Variants in OR10A6 observed in about 807,000 individuals in gnomAD.
OR10A6 encodes the protein olfactory receptor family 10 subfamily A member 6 (gene/pseudogene).
OR10A6 carries 2 observed loss-of-function variants against 1.5 expected under a neutral mutation model. The ratio of observed to expected loss-of-function variants is 1.31; its 90% CI spans 0.54 to 4.13. OR10A6 has a LOEUF of 4.13. OR10A6 is among the 30% of genes most tolerant of loss of function. OR10A6 has a pLI of 0.07. For synonymous variants in OR10A6, 169 were observed against 137.3 expected (o/e 1.23, Z -1.61); for missense variants, 492 against 368.6 (o/e 1.33, Z -2.74).
In OR10A6 at chr11:7,928,411, G is replaced by C. The variant is rs780676408; in HGVS notation, c.252C>G (p.Val84=). ...AAATTGTAGTTTTTTCAGTAGAGAG[G>C]ACCACCAGCATTTCAGGCATAATAA... is the stretch of plus-strand genomic sequence containing the variant. ...SAVIMPEMLV[V]LSTEKTTISF... Residue 84 remains valine (V), a synonymous_variant, in exon 4 of 4, where the codon GTC becomes GTG. Coordinates refer to ENST00000641238, the MANE Select transcript of OR10A6 (RefSeq NM_001004461.2). 3.7e-6 allele frequency: 6 copies of C among 1,613,706 alleles called. No homozygotes were observed. The highest frequency in any genetic ancestry group is 1.3e-5 in the African/African-American group (1 of 74,888).
rs748176928 is a variant in OR10A6 at position 7,928,288 on chromosome 11, T to G, written c.375A>C (p.Ala125=). The G allele has an allele frequency of 6.2e-7, 1 of 1,613,842 alleles. No individual in the cohort carries two copies. The highest frequency in any genetic ancestry group is 8.5e-7 in the Non-Finnish European group (1 of 1,179,880). The change falls in exon 4 of 4, where the codon GCA becomes GCC. Residue 125 remains alanine, a synonymous_variant. Transcript: ENST00000641238. ...TTTGGTAGTTGAGAGGATGGCAAATTGCAGCAAATCGGTCATAAGCCATTG... is the reference window on the plus strand; with the variant it reads ...TTTGGTAGTTGAGAGGATGGCAAATGGCAGCAAATCGGTCATAAGCCATTG... ...LGAMAYDRFA[A]ICHPLNYQMI...
chr11:7,930,497 T>G lies in OR10A6; in HGVS notation c.-1835A>C, dbSNP rs949597254. On this transcript the variant is annotated 5_prime_UTR_variant, in exon 4 of 4. Coordinates refer to ENST00000641238, the MANE Select transcript of OR10A6 (RefSeq NM_001004461.2). ...GACACAGCAAGTTGAAGGCATACAG[T>G]GCTGTCTTGAGTGCAGACCTGTAGG... The G allele has an allele frequency of 6.6e-6, 1 of 152,100 alleles. No individual in the cohort carries two copies. Among genetic ancestry groups the G allele is most frequent in the African/African-American group, 2.4e-5 (1 of 41,432 alleles). The allele number at this position is 152,100 out of a possible 1,614,324, so 9.4% of individuals were successfully genotyped here. A position where few individuals can be genotyped will look rare whatever the true frequency, so the allele number is the denominator to read the frequency against.
At position 7,929,755 on chromosome 11, in the gene OR10A6, T is replaced by TATATATATGTATATATATACAC. The variant is rs55811645; in HGVS notation, c.-1094_-1093insGTGTATATATATACATATATAT. The TATATATATGTATATATATACAC allele has an allele frequency of 3.1e-5, 3 of 97,272 alleles. No homozygotes were observed. The highest frequency in any genetic ancestry group is 1.1e-4 in the African/African-American group (3 of 27,976). The allele number at this position is 97,272 out of a possible 1,614,324, so 6.0% of individuals were successfully genotyped here. On this transcript the variant is annotated 5_prime_UTR_variant, in exon 4 of 4. An upstream open reading frame in the 5' UTR loses its in-frame stop. Transcript: ENST00000641238. ...ATATATATATATATATATATATATA[T>TATATATATGTATATATATACAC]ACACACACATGCACACATATATATA...
At position 7,925,409 on chromosome 11, in the gene OR10A6, A is replaced by T. The variant is rs1859376946; in HGVS notation, c.*2309T>A. On this transcript the variant is annotated 3_prime_UTR_variant, in exon 4 of 4. Transcript: ENST00000641238. ...TGACCTAATTTCTTATTGTAATTTC[A>T]TGAACATCTTGCCAATCCAGGCTTT... 6.6e-6 allele frequency: 1 copy of T among 152,184 alleles called. No individual in the cohort carries two copies. The highest frequency in any genetic ancestry group is 2.4e-5 in the African/African-American group (1 of 41,440). 9.4% of individuals were successfully genotyped at this position (152,184 alleles called of 1,614,324 possible).
Position 7,928,554 on chromosome 11 carries a change from C to G in OR10A6, c.109G>C (p.Val37Leu), listed in dbSNP as rs367571136. The G allele has an allele frequency of 2.5e-5, 41 of 1,613,512 alleles. No individual in the cohort carries two copies. The highest frequency in any genetic ancestry group is 3.1e-5 in the Non-Finnish European group (36 of 1,179,708). The change falls in exon 4 of 4, where the codon GTG (valine) becomes CTG (leucine). Residue 37 changes from valine to leucine, a missense_variant. Physicochemically the swap from Val to Leu is conservative, Grantham distance 32. Transcript: ENST00000641238. ...ATAATGGCATTTCCTATCAGGGTCA[C>G]CAGATAAATAACCAGGAAAGCCACA... is the stretch of plus-strand genomic sequence containing the variant. ...LFVAFLVIYL[V>L]TLIGNAIIIV...
rs58402229 is a variant in OR10A6 at position 7,929,966 on chromosome 11, G to GTATATATATGTGTGTATATA, written c.-1305_-1304insTATATACACACATATATATA. 2 of 57,262 alleles carry GTATATATATGTGTGTATATA rather than the reference G, an allele frequency of 3.5e-5. No individual in the cohort carries two copies. Among genetic ancestry groups the GTATATATATGTGTGTATATA allele is most frequent in the African/African-American group, 7.0e-5 (1 of 14,226 alleles). 3.5% of individuals were successfully genotyped at this position (57,262 alleles called of 1,614,324 possible). A position where few individuals can be genotyped will look rare whatever the true frequency, so the allele number is the denominator to read the frequency against. On this transcript the variant is annotated 5_prime_UTR_variant, in exon 4 of 4. Transcript: ENST00000641238. ...TCTAGTAAGGTATGTGTATGTGTAT[G>GTATATATATGTGTGTATATA]TATATATATATATATATATATATAT...
Position 7,929,967 on chromosome 11 carries a change from T to TATATATATATATATAA in OR10A6, c.-1306_-1305insTTATATATATATATAT. 1 of 32,132 alleles carries TATATATATATATATAA rather than the reference T, an allele frequency of 3.1e-5. No homozygotes were observed. Among genetic ancestry groups the TATATATATATATATAA allele is most frequent in the Non-Finnish European group, 5.6e-5 (1 of 17,840 alleles). 2.0% of individuals were successfully genotyped at this position (32,132 alleles called of 1,614,324 possible). A position where few individuals can be genotyped will look rare whatever the true frequency, so the allele number is the denominator to read the frequency against. On this transcript the variant is annotated 5_prime_UTR_variant, in exon 4 of 4. Coordinates refer to ENST00000641238, the MANE Select transcript of OR10A6 (RefSeq NM_001004461.2). ...CTAGTAAGGTATGTGTATGTGTATG[T>TATATATATATATATAA]ATATATATATATATATATATATATA... is the stretch of plus-strand genomic sequence containing the variant.
rs1433020713 is a variant in OR10A6, at chr11:7,929,962, G to GTGTGTATATATA, written c.-1301_-1300insTATATATACACA. ...AAGCTCTAGTAAGGTATGTGTATGTGTATGTATATATATATATATATATAT... is the reference window on the plus strand; with the variant it reads ...AAGCTCTAGTAAGGTATGTGTATGTGTGTGTATATATATATGTATATATATATATATATATAT... On this transcript the variant is annotated 5_prime_UTR_variant, in exon 4 of 4. Coordinates refer to ENST00000641238, the MANE Select transcript of OR10A6 (RefSeq NM_001004461.2). 3 of 24,796 alleles carry GTGTGTATATATA rather than the reference G, an allele frequency of 1.2e-4. No homozygotes were observed. Among genetic ancestry groups the GTGTGTATATATA allele is most frequent in the Admixed American group, 7.2e-4 (1 of 1,388 alleles). The allele number at this position is 24,796 out of a possible 1,614,324, so 1.5% of individuals were successfully genotyped here.
rs375584474 is a variant in OR10A6, at chr11:7,928,377, C to A, written c.286G>T (p.Gly96Cys). 6 of 1,613,828 alleles carry A rather than the reference C, an allele frequency of 3.7e-6. No homozygotes were observed. In the African/African-American group the frequency reaches 8.0e-5, roughly 22 times the overall value. Residue 96 changes from glycine (G) to cysteine (C), a missense_variant, in exon 4 of 4, where the codon GGC (glycine) becomes TGC (cysteine). Coordinates refer to ENST00000641238, the MANE Select transcript of OR10A6 (RefSeq NM_001004461.2). ...STEKTTISFG[G>C]CFAQMYFILL... ...ATGAAATACATCTGTGCAAAACAGC[C>A]CCCAAAAGAAATTGTAGTTTTTTCA...
At chr11:7,930,759 A>T (rs1198415203) in intron 3 of OR10A6, 102 bp downstream of exon 3, 3 of 152,190 alleles carry the variant, frequency 2.0e-5, no homozygotes, top group African/African-American at 4.8e-5. Context: ...GATTGGTTTT[A>T]AAAATTAGAA....
rs1859367395 is a variant in OR10A6, at chr11:7,924,954, A to G, written c.*2764T>C. 6.6e-6 allele frequency: 1 copy of G among 152,182 alleles called. No homozygotes were observed. The highest frequency in any genetic ancestry group is 1.5e-5 in the Non-Finnish European group (1 of 68,038). 9.4% of individuals were successfully genotyped at this position (152,182 alleles called of 1,614,324 possible). Reference sequence around the variant, plus strand: ...CAAGGATGTCCACCTATATATCACTAGTCAGAACTGTGTCACAAACCACCC... The same window carrying G: ...CAAGGATGTCCACCTATATATCACTGGTCAGAACTGTGTCACAAACCACCC... On this transcript the variant is annotated 3_prime_UTR_variant, in exon 4 of 4. Coordinates refer to ENST00000641238, the MANE Select transcript of OR10A6 (RefSeq NM_001004461.2).
rs1859387548 is a variant in OR10A6 at position 7,925,872 on chromosome 11, A to G, written c.*1846T>C. ...AGGAGGCAGCCAAATGCCTAGGCAG[A>G]TGGGGTGGGTTCCTGGTGAAACCCC... On this transcript the variant is annotated 3_prime_UTR_variant, in exon 4 of 4. Coordinates refer to ENST00000641238, the MANE Select transcript of OR10A6 (RefSeq NM_001004461.2). 6.6e-6 allele frequency: 1 copy of G among 152,206 alleles called. No individual in the cohort carries two copies. The highest frequency in any genetic ancestry group is 6.5e-5 in the Admixed American group (1 of 15,268). 9.4% of individuals were successfully genotyped at this position (152,206 alleles called of 1,614,324 possible).
In OR10A6 at chr11:7,929,720, GTACATATATA is replaced by G. The variant is rs1859488729; in HGVS notation, c.-1068_-1059del. 1 of 91,436 alleles carries G rather than the reference GTACATATATA, an allele frequency of 1.1e-5. No individual in the cohort carries two copies. The highest frequency in any genetic ancestry group is 4.4e-5 in the African/African-American group (1 of 22,562). The allele number at this position is 91,436 out of a possible 1,614,324, so 5.7% of individuals were successfully genotyped here. A position where few individuals can be genotyped will look rare whatever the true frequency, so the allele number is the denominator to read the frequency against. On this transcript the variant is annotated 5_prime_UTR_variant, in exon 4 of 4. It removes an upstream start codon present in the reference 5' UTR. Coordinates refer to ENST00000641238, the MANE Select transcript of OR10A6 (RefSeq NM_001004461.2). ...TTTCTTTCTCTCTCTCTTTCTATGTGTACATATATATATATATATATATATATATATATAT... is the reference window on the plus strand; with the variant it reads ...TTTCTTTCTCTCTCTCTTTCTATGTGTATATATATATATATATATATATAT...
rs1475270762 is a variant in OR10A6 at position 7,928,684 on chromosome 11, T to C, written c.-22A>G. On this transcript the variant is annotated 5_prime_UTR_variant, in exon 4 of 4. The change abolishes an upstream ATG in the 5' untranslated region. Transcript: ENST00000641238. ...CCATTTTCAGTAATGAAGTCGTGCA[T>C]TGATTTTATGGACATAGTATATACA... 6.5e-7 allele frequency: 1 copy of C among 1,539,956 alleles called. No homozygotes were observed. Among genetic ancestry groups the C allele is most frequent in the Non-Finnish European group, 8.8e-7 (1 of 1,131,090 alleles).
At position 7,925,750 on chromosome 11, in the gene OR10A6, T is replaced by C. The variant is rs933329416; in HGVS notation, c.*1968A>G. On this transcript the variant is annotated 3_prime_UTR_variant, in exon 4 of 4. Transcript: ENST00000641238. ...GCTATCAGAAGGAAATTTCAGGATA[T>C]CAAGAGATGGGATCCAATCAAAGGC... 3 of 152,212 alleles carry C rather than the reference T, an allele frequency of 2.0e-5. No individual in the cohort carries two copies. Among genetic ancestry groups the C allele is most frequent in the Non-Finnish European group, 4.4e-5 (3 of 68,038 alleles). The allele number at this position is 152,212 out of a possible 1,614,324, so 9.4% of individuals were successfully genotyped here. A position where few individuals can be genotyped will look rare whatever the true frequency, so the allele number is the denominator to read the frequency against.
In OR10A6 at chr11:7,929,755, T is replaced by TATATATATATATATATATATACAC. The variant is rs55811645; in HGVS notation, c.-1094_-1093insGTGTATATATATATATATATATAT. ...ATATATATATATATATATATATATA[T>TATATATATATATATATATATACAC]ACACACACATGCACACATATATATA... On this transcript the variant is annotated 5_prime_UTR_variant, in exon 4 of 4. Transcript: ENST00000641238. 4.7e-4 allele frequency: 46 copies of TATATATATATATATATATATACAC among 97,172 alleles called. No homozygotes were observed. The highest frequency in any genetic ancestry group is 6.2e-4 in the Non-Finnish European group (28 of 44,886). 6.0% of individuals were successfully genotyped at this position (97,172 alleles called of 1,614,324 possible).
rs1859471595 is a variant in OR10A6, at chr11:7,928,854, A to C, written c.-192T>G. 2.4e-6 allele frequency: 1 copy of C among 410,554 alleles called. No individual in the cohort carries two copies. The highest frequency in any genetic ancestry group is 2.1e-5 in the African/African-American group (1 of 48,636). The allele number at this position is 410,554 out of a possible 1,614,324, so 25.4% of individuals were successfully genotyped here. The stretch of plus-strand genomic sequence containing the variant: ...AATACTTGGATTATATTCCAAATAT[A>C]AAAAATAGAAATGAAGAATTCTGGC... On this transcript the variant is annotated 5_prime_UTR_variant, in exon 4 of 4. Transcript: ENST00000641238.
Position 7,931,003 on chromosome 11 carries a change from C to G in OR10A6, c.-1899G>C, listed in dbSNP as rs758831518. Reference sequence around the variant, plus strand: ...AGCACTTACACTTCTACTTATTGCCCGAACCTTTCTCTGAAAAGAAAAAGA... The same window carrying G: ...AGCACTTACACTTCTACTTATTGCCGGAACCTTTCTCTGAAAAGAAAAAGA... On this transcript the variant is annotated 5_prime_UTR_variant, in exon 2 of 4. Transcript: ENST00000641238. The G allele has an allele frequency of 6.6e-6, 1 of 152,034 alleles. No individual in the cohort carries two copies. Among genetic ancestry groups the G allele is most frequent in the African/African-American group, 2.4e-5 (1 of 41,390 alleles). The allele number at this position is 152,034 out of a possible 1,614,324, so 9.4% of individuals were successfully genotyped here. A position where few individuals can be genotyped will look rare whatever the true frequency, so the allele number is the denominator to read the frequency against.
Position 7,926,815 on chromosome 11 carries a change from G to C in OR10A6, c.*903C>G, listed in dbSNP as rs547336913. 5 of 152,078 alleles carry C rather than the reference G, an allele frequency of 3.3e-5. No homozygotes were observed. Among genetic ancestry groups the C allele is most frequent in the African/African-American group, 1.2e-4 (5 of 41,502 alleles). 9.4% of individuals were successfully genotyped at this position (152,078 alleles called of 1,614,324 possible). On this transcript the variant is annotated 3_prime_UTR_variant, in exon 4 of 4. Coordinates refer to ENST00000641238, the MANE Select transcript of OR10A6 (RefSeq NM_001004461.2). ...ACTATTATGTGATTATTTTATGTTGGAAAGATGCACATAAATATTGATATG... is the reference window on the plus strand; with the variant it reads ...ACTATTATGTGATTATTTTATGTTGCAAAGATGCACATAAATATTGATATG...
Sources: gnomAD v4.1 joint callset for allele counts on GRCh38, gnomAD v4.1.1 for gene constraint, MANE v1.5 for transcripts, NCBI Gene and HGNC (gene_info 2026-07-23, HGNC 2026-07-21) for gene names.